Variants in FHOD3 observed in about 807,000 individuals in gnomAD.
FHOD3 encodes the protein FH1/FH2 domain-containing protein 3.
In FHOD3, 90 loss-of-function variants were observed where a neutral mutation model predicts 173.0. That is an observed-to-expected ratio of 0.52 (90% confidence interval 0.44 to 0.62). The LOEUF is 0.62. Among genes scored for constraint, FHOD3 ranks in the 20% least tolerant of loss-of-function variants. The pLI is 0.00. For synonymous variants in FHOD3, 828 were observed against 823.0 expected (o/e 1.01, Z -0.10); for missense variants, 1,945 against 2,034.7 (o/e 0.96, Z 0.85).
chr18:36,776,168 T>C (rs2043635001), intron 28 of FHOD3, among the ~76,000 whole-genome samples: 1 of 151,464 alleles, frequency 6.6e-6, no homozygotes, highest in Non-Finnish European at 1.5e-5. Flanking sequence ...CTTGTTTTGT[T>C]CTCTTATGTC....
At chr18:36,706,345 T>G (rs893726501) in intron 17 of FHOD3, among the ~76,000 whole-genome samples, 2 of 152,132 alleles carry the variant, frequency 1.3e-5, no homozygotes, top group African/African-American at 4.8e-5. Flanking sequence ...AGACACTGAG[T>G]CATGTATTCT....
At chr18:36,707,185 A>G (rs1019361441) in intron 17 of FHOD3, among the ~76,000 whole-genome samples, 7 of 152,122 alleles carry the variant, frequency 4.6e-5, no homozygotes, top group Non-Finnish European at 1.5e-5. Context: ...CCACCCATGA[A>G]TCTCTGTCTG....
At chr18:36,505,389 G>A (rs1436701120) in intron 4 of FHOD3, among the ~76,000 whole-genome samples, 3 of 152,148 alleles carry the variant, frequency 2.0e-5, no homozygotes, top group Non-Finnish European at 2.9e-5. Context: ...ATAAACTGTC[G>A]AAGTTCTGTG....
chr18:36,583,315 C>G (rs1338503641), intron 6 of FHOD3, among the ~76,000 whole-genome samples: 1 of 152,146 alleles, frequency 6.6e-6, no homozygotes, highest in Non-Finnish European at 1.5e-5. Context: ...CTGCACCATC[C>G]TTGGGGTGGG....
intron 14 of FHOD3, among the ~76,000 whole-genome samples, chr18:36,667,069 T>C (rs2037228705): frequency 1.3e-5 from 2 of 152,234 alleles, no homozygotes; most frequent in Non-Finnish European, 2.9e-5. Flanking sequence ...TGTTTTGATA[T>C]TCCTTCATGT....
chr18:36,580,495 A>G (rs1028321613), intron 6 of FHOD3, among the ~76,000 whole-genome samples: 2 of 152,174 alleles, frequency 1.3e-5, no homozygotes, highest in Admixed American at 1.3e-4. Context: ...AGCCCATCCC[A>G]CTAACTGTGA....
chr18:36,387,574 T>C (rs1411599922), intron 3 of FHOD3, among the ~76,000 whole-genome samples: 3 of 152,222 alleles, frequency 2.0e-5, no homozygotes, highest in Non-Finnish European at 4.4e-5. Context: ...GTAAAGGAAA[T>C]AGACACATAA....
chr18:36,715,781 G>A (rs1287201720), intron 18 of FHOD3, among the ~76,000 whole-genome samples: 1 of 152,222 alleles, frequency 6.6e-6, no homozygotes, highest in Non-Finnish European at 1.5e-5. Flanking sequence ...TGTTGGGGGA[G>A]GATTGCACAG....
intron 9 of FHOD3, among the ~76,000 whole-genome samples, chr18:36,620,959 C>T (rs950028844): frequency 3.3e-5 from 5 of 152,148 alleles, no homozygotes; most frequent in African/African-American, 1.2e-4. Flanking sequence ...CTTGGTTAGC[C>T]TTCTAGAATT....
intron 14 of FHOD3, among the ~76,000 whole-genome samples, chr18:36,680,086 A>G (rs1171183328): frequency 1.3e-5 from 2 of 152,228 alleles, no homozygotes; most frequent in Admixed American, 1.3e-4. Context: ...TATGAGGAAG[A>G]TAAATAAACT....
Position 36,625,742 on chromosome 18 carries a change from C to G in FHOD3, c.1189C>G (p.Arg397Gly), listed in dbSNP as rs760874847. The change falls in exon 10 of 29, where the codon CGT (arginine) becomes GGT (glycine). Residue 397 changes from arginine to glycine, a missense_variant. By Grantham distance (125) the Arg-to-Gly change is moderately radical. Around this residue, in one of 5 missense-constraint regions of FHOD3, gnomAD observed 1,099 missense variants for 1,051.2 expected, o/e 1.05. Coordinates refer to ENST00000590592, the MANE Select transcript of FHOD3 (RefSeq NM_001281740.3). ...SFKPNQVRDLREKEEEEEEEQ... is the reference protein window; with the variant it reads ...SFKPNQVRDLGEKEEEEEEEQ... ...CAAGCCCAACCAAGTGCGAGATCTG[C>G]GTGAAAAGTAAGCATTAACTTGGCA... is the stretch of plus-strand genomic sequence containing the variant. 6.2e-7 allele frequency: 1 copy of G among 1,605,414 alleles called. No individual in the cohort carries two copies. The highest frequency in any genetic ancestry group is 1.3e-5 in the African/African-American group (1 of 74,636).
At chr18:36,387,438 A>G (rs1039889736) in intron 3 of FHOD3, among the ~76,000 whole-genome samples, 3 of 152,198 alleles carry the variant, frequency 2.0e-5, no homozygotes, top group Admixed American at 6.5e-5. Context: ...TCTTGTGGGT[A>G]AGCTTGAAAG....
chr18:36,455,371 C>T (rs1372588386), intron 3 of FHOD3, among the ~76,000 whole-genome samples: 4 of 152,068 alleles, frequency 2.6e-5, no homozygotes, highest in East Asian at 3.9e-4. Context: ...GTGTTAGGGA[C>T]GAGTTCTGGG....
intron 3 of FHOD3, among the ~76,000 whole-genome samples, chr18:36,374,843 T>C (rs75012962): frequency 0.02 from 2,981 of 152,318 alleles, 36 homozygotes; most frequent in Non-Finnish European, 0.03. Context: ...TTTATGTTTA[T>C]GTATTTTTTT....
intron 3 of FHOD3, among the ~76,000 whole-genome samples, chr18:36,480,542 T>C (rs2053826422): frequency 1.3e-5 from 2 of 152,238 alleles, no homozygotes; most frequent in Non-Finnish European, 1.5e-5. Context: ...ATTTTAGTTA[T>C]TCAAAGGCCT....
At chr18:36,358,662 T>A (rs2046471582) in intron 2 of FHOD3, among the ~76,000 whole-genome samples, 1 of 152,168 alleles carries the variant, frequency 6.6e-6, no homozygotes, top group Non-Finnish European at 1.5e-5. Flanking sequence ...ATTTAAAATT[T>A]TTTTTAGAAA....
chr18:36,639,342 C>T (rs924169920), intron 10 of FHOD3, among the ~76,000 whole-genome samples: 1 of 152,014 alleles, frequency 6.6e-6, no homozygotes, highest in Non-Finnish European at 1.5e-5. Context: ...GAGATCGAGA[C>T]CATCCTGGCT....
At chr18:36,512,120 T>TG (rs1190486192) in intron 4 of FHOD3, among the ~76,000 whole-genome samples, 13 of 152,170 alleles carry the variant, frequency 8.5e-5, no homozygotes, top group African/African-American at 2.4e-4. Flanking sequence ...CTTGGGACCG[T>TG]GGGGGAGTAG....
At chr18:36,432,381 T>G (rs2050597278) in intron 3 of FHOD3, among the ~76,000 whole-genome samples, 1 of 152,228 alleles carries the variant, frequency 6.6e-6, no homozygotes, top group South Asian at 2.1e-4. Context: ...GCTTTCTGTT[T>G]CCTTAATTTC....
Sources: allele counts gnomAD v4.1 joint callset (sites outside exome capture counted in the v4.1 genomes callset), GRCh38; gene constraint gnomAD v4.1.1; regional missense constraint gnomAD v4.1.1; transcripts MANE v1.5; gene names NCBI Gene and HGNC (gene_info 2026-07-23, HGNC 2026-07-21).